The following CNNM3 variants were observed in gnomAD, a reference collection of about 807,000 sequenced individuals.
The protein encoded by CNNM3 is metal transporter CNNM3.
CNNM3 carries 47 observed loss-of-function variants against 57.1 expected under a neutral mutation model. The observed-to-expected ratio is 0.82, with a 90% CI of 0.65 to 1.05. The LOEUF (loss-of-function observed/expected upper bound fraction) is 1.05, where lower values mean the gene tolerates loss of function less well. Ranked by LOEUF, CNNM3 falls within the 50% of genes least tolerant of loss-of-function variation. The pLI is 0.00. For synonymous variants in CNNM3, 507 were observed against 478.2 expected (o/e 1.06, Z -0.79); for missense variants, 957 against 973.7 (o/e 0.98, Z 0.23).
In CNNM3 at chr2:96,832,908, C is replaced by T. The variant is rs780006566; in HGVS notation, c.*292C>T. On this transcript the variant is annotated 3_prime_UTR_variant, in exon 8 of 8. Transcript: ENST00000305510. ...TCTCTAGTTCCCAGGGCCCAGCCTT[C>T]CCCTTCTCCCCCGGGGCAGGGACAG... is the stretch of plus-strand genomic sequence containing the variant. 2.8e-6 allele frequency: 4 copies of T among 1,450,012 alleles called. No individual in the cohort carries two copies. Among genetic ancestry groups the T allele is most frequent in the South Asian group, 1.2e-5 (1 of 82,416 alleles). The allele number at this position is 1,450,012 out of a possible 1,614,324, so 89.8% of individuals were successfully genotyped here.
Position 96,834,301 on chromosome 2 carries a change from C to T in CNNM3, c.*1685C>T, listed in dbSNP as rs535204382. The stretch of plus-strand genomic sequence containing the variant: ...CCAGAGCTTGTGATTTAATCAGAGT[C>T]GGCATCAGAGTTTTCAATTTTTTAT... On this transcript the variant is annotated 3_prime_UTR_variant, in exon 8 of 8. Coordinates refer to ENST00000305510, the MANE Select transcript of CNNM3 (RefSeq NM_017623.5). Among the ~76,000 whole-genome samples, 20 of 151,674 alleles carry T rather than the reference C, an allele frequency of 1.3e-4. No homozygotes were observed. The highest frequency in any genetic ancestry group is 1.0e-3 in the South Asian group (5 of 4,820).
At chr2:96,827,699 T>A (rs2079532389) in intron 3 of CNNM3, 32 bp from the exon 4 acceptor site, 2 of 1,599,028 alleles carry the variant, frequency 1.3e-6, no homozygotes, top group Non-Finnish European at 1.7e-6. Flanking sequence ...TAGGCCCCAG[T>A]GGACACTGTC....
intron 7 of CNNM3, chr2:96,831,847 G>A (rs2079608678): frequency 5.6e-6 from 2 of 357,890 alleles, no homozygotes; most frequent in Non-Finnish European, 7.8e-6. Context: ...GCAGCTGCCA[G>A]CTCTCCCTCA....
chr2:96,821,189 C>A (rs147657479), intron 1 of CNNM3, among the ~76,000 whole-genome samples: 1 of 152,122 alleles, frequency 6.6e-6, no homozygotes, highest in Non-Finnish European at 1.5e-5. Context: ...GGTGACATCC[C>A]GGAGCTTTTT....
intron 7 of CNNM3, chr2:96,832,114 C>T (rs2079613344): frequency 1.0e-6 from 1 of 996,638 alleles, no homozygotes; most frequent in African/African-American, 1.7e-5. Context: ...CTTTCCTGGC[C>T]CTTCAGCTGA....
chr2:96,818,549 C>G (rs1273646033), intron 1 of CNNM3, among the ~76,000 whole-genome samples: 1 of 152,198 alleles, frequency 6.6e-6, no homozygotes, highest in Non-Finnish European at 1.5e-5. Flanking sequence ...CCGCGCCCAG[C>G]CTCACCTCTT....
rs1051375019 is a variant in CNNM3, at chr2:96,827,791, A to G, written c.1580A>G (p.His527Arg). 1 of 1,614,204 alleles carries G rather than the reference A, an allele frequency of 6.2e-7. No individual in the cohort carries two copies. Among genetic ancestry groups the G allele is most frequent in the Non-Finnish European group, 8.5e-7 (1 of 1,180,028 alleles). The change falls in exon 4 of 8, where the codon CAT (histidine) becomes CGT (arginine). Residue 527 changes from histidine to arginine, a missense_variant. Coordinates refer to ENST00000305510, the MANE Select transcript of CNNM3 (RefSeq NM_017623.5). ...AAGGTCCTGCTGCACCTGTTGAAGC[A>G]TCCCAGTGTCAACCAGGAAGTGAGG... ...SEKVLLHLLK[H>R]PSVNQEVRFD...
chr2:96,832,996 TTGTG>T lies in CNNM3; in HGVS notation c.*383_*386del, dbSNP rs2079630914. 1 of 1,332,338 alleles carries T rather than the reference TTGTG, an allele frequency of 7.5e-7. No individual in the cohort carries two copies. The highest frequency in any genetic ancestry group is 1.5e-5 in the African/African-American group (1 of 67,624). 82.5% of individuals were successfully genotyped at this position (1,332,338 alleles called of 1,614,324 possible). ...CACCTTGTGAGTGCAGTTACTGCCTTTGTGTGGCCGTGACCTCTATTTGTTTGCT... is the reference window on the plus strand; with the variant it reads ...CACCTTGTGAGTGCAGTTACTGCCTTTGGCCGTGACCTCTATTTGTTTGCT... On this transcript the variant is annotated 3_prime_UTR_variant, in exon 8 of 8. Transcript: ENST00000305510.
At chr2:96,820,954 G>A (rs935398760) in intron 1 of CNNM3, among the ~76,000 whole-genome samples, 2 of 152,214 alleles carry the variant, frequency 1.3e-5, no homozygotes, top group Non-Finnish European at 2.9e-5. Flanking sequence ...CCTCCAGGCA[G>A]GTCACAAGCA....
Position 96,832,798 on chromosome 2 carries a change from G to C in CNNM3, c.*182G>C. 1 of 1,499,644 alleles carries C rather than the reference G, an allele frequency of 6.7e-7. No homozygotes were observed. The highest frequency in any genetic ancestry group is 2.5e-5 in the East Asian group (1 of 40,036). 92.9% of individuals were successfully genotyped at this position (1,499,644 alleles called of 1,614,324 possible). A position where few individuals can be genotyped will look rare whatever the true frequency, so the allele number is the denominator to read the frequency against. On this transcript the variant is annotated 3_prime_UTR_variant, in exon 8 of 8. Coordinates refer to ENST00000305510, the MANE Select transcript of CNNM3 (RefSeq NM_017623.5). ...ACATCAATGCCTGGATCCTTCAGCCGGCCCTGCCCTCCTTTAGGAGACAGG... is the reference window on the plus strand; with the variant it reads ...ACATCAATGCCTGGATCCTTCAGCCCGCCCTGCCCTCCTTTAGGAGACAGG...
At chr2:96,824,836 T>C (rs571017132) in intron 1 of CNNM3, 3 of 572,814 alleles carry the variant, frequency 5.2e-6, no homozygotes, top group East Asian at 3.0e-5. Context: ...CAGATGGGCA[T>C]GAGCCCACTG....
rs762518584 is a variant in CNNM3 at position 96,816,293 on chromosome 2, G to C, written c.16G>C (p.Ala6Pro). 3.1e-6 allele frequency: 4 copies of C among 1,292,352 alleles called. No individual in the cohort carries two copies. The highest frequency in any genetic ancestry group is 3.9e-6 in the Non-Finnish European group (4 of 1,021,782). 80.1% of individuals were successfully genotyped at this position (1,292,352 alleles called of 1,614,324 possible). Residue 6 changes from alanine to proline, a missense_variant, in exon 1 of 8, where the codon GCT becomes CCT. Ala to Pro is a conservative substitution (Grantham distance 27). Coordinates refer to ENST00000305510, the MANE Select transcript of CNNM3 (RefSeq NM_017623.5). Reference protein sequence around the residue: MAAAVAAAGRLGWLFA... With the variant: MAAAVPAAGRLGWLFA... Reference sequence around the variant, plus strand: ...GCAGCAGGCGATGGCGGCGGCGGTAGCTGCGGCGGGTCGGTTAGGCTGGTT... The same window carrying C: ...GCAGCAGGCGATGGCGGCGGCGGTACCTGCGGCGGGTCGGTTAGGCTGGTT...
chr2:96,832,155 T>C (rs2079614191), intron 7 of CNNM3: 2 of 1,012,436 alleles, frequency 2.0e-6, no homozygotes, highest in Non-Finnish European at 2.4e-6. Context: ...CTCCCCAGGC[T>C]GGGGGGCATT....
Position 96,827,776 on chromosome 2 carries a change from T to G in CNNM3, c.1565T>G (p.Leu522Arg), listed in dbSNP as rs780960640. 1 of 1,614,242 alleles carries G rather than the reference T, an allele frequency of 6.2e-7. No homozygotes were observed. Among genetic ancestry groups the G allele is most frequent in the South Asian group, 1.1e-5 (1 of 91,090 alleles). The change falls in exon 4 of 8, where the codon CTG (leucine) becomes CGG (arginine). Residue 522 changes from leucine to arginine, a missense_variant. Around this residue, in one of 2 missense-constraint regions of CNNM3, gnomAD observed 491 missense variants for 570.6 expected, o/e 0.86. Coordinates refer to ENST00000305510, the MANE Select transcript of CNNM3 (RefSeq NM_017623.5). The part of the protein sequence containing the change: ...SPLRISEKVL[L>R]HLLKHPSVNQ... ...CTGCGCATCTCTGAGAAGGTCCTGC[T>G]GCACCTGTTGAAGCATCCCAGTGTC... is the stretch of plus-strand genomic sequence containing the variant.
intron 1 of CNNM3, among the ~76,000 whole-genome samples, chr2:96,819,111 A>G (rs894262974): frequency 2.0e-5 from 3 of 152,108 alleles, no homozygotes; most frequent in Non-Finnish European, 4.4e-5. Flanking sequence ...GGGCAGCTCT[A>G]TTCTTTTAGA....
In CNNM3 at chr2:96,833,867, C is replaced by G. The variant is rs1457598759; in HGVS notation, c.*1251C>G. 1 of 152,210 alleles carries G rather than the reference C, an allele frequency of 6.6e-6. No individual in the cohort carries two copies. The highest frequency in any genetic ancestry group is 1.5e-5 in the Non-Finnish European group (1 of 68,054). 9.4% of individuals were successfully genotyped at this position (152,210 alleles called of 1,614,324 possible). A position where few individuals can be genotyped will look rare whatever the true frequency, so the allele number is the denominator to read the frequency against. On this transcript the variant is annotated 3_prime_UTR_variant, in exon 8 of 8. Transcript: ENST00000305510. The stretch of plus-strand genomic sequence containing the variant: ...GTCCTCAAGGAATAAACTCTGAGAG[C>G]AAGCCCGGGTTGGAAACAGATGCTT...
intron 7 of CNNM3, among the ~76,000 whole-genome samples, chr2:96,830,524 A>C (rs1053367467): frequency 2.0e-5 from 3 of 152,222 alleles, no homozygotes; most frequent in Non-Finnish European, 4.4e-5. Flanking sequence ...TTGTGAGGTC[A>C]CATGCAGGTG....
Position 96,817,481 on chromosome 2 carries a change from G to A in CNNM3, c.1204G>A (p.Val402Ile). ...FVFNDTKLDA[V>I]LEEFKRGKSH... Reference sequence around the variant, plus strand: ...CTTCAACGACACCAAGCTGGACGCTGTCCTGGAGGAATTCAAGCGAGGTAA... The same window carrying A: ...CTTCAACGACACCAAGCTGGACGCTATCCTGGAGGAATTCAAGCGAGGTAA... The change falls in exon 1 of 8, where the codon GTC becomes ATC. Residue 402 changes from valine (V) to isoleucine (I), a missense_variant. Around this residue, in one of 2 missense-constraint regions of CNNM3, gnomAD observed 491 missense variants for 570.6 expected, o/e 0.86. Coordinates refer to ENST00000305510, the MANE Select transcript of CNNM3 (RefSeq NM_017623.5). The A allele has an allele frequency of 6.2e-7, 1 of 1,612,190 alleles. No homozygotes were observed. Among genetic ancestry groups the A allele is most frequent in the Non-Finnish European group, 8.5e-7 (1 of 1,178,506 alleles).
rs1435458038 is a variant in CNNM3 at position 96,833,191 on chromosome 2, C to G, written c.*575C>G. On this transcript the variant is annotated 3_prime_UTR_variant, in exon 8 of 8. Transcript: ENST00000305510. ...GCCCCAGCCTTTCCCATGTGCCAAACCAGAAGCTCCACTGCCCGTAGGCTG... is the reference window on the plus strand; with the variant it reads ...GCCCCAGCCTTTCCCATGTGCCAAAGCAGAAGCTCCACTGCCCGTAGGCTG... The G allele has an allele frequency of 7.5e-6, 3 of 400,138 alleles. No homozygotes were observed. 24.8% of individuals were successfully genotyped at this position (400,138 alleles called of 1,614,324 possible).
Sources: allele counts gnomAD v4.1 joint callset (sites outside exome capture counted in the v4.1 genomes callset), GRCh38; gene constraint gnomAD v4.1.1; regional missense constraint gnomAD v4.1.1; transcripts MANE v1.5; gene names NCBI Gene and HGNC (gene_info 2026-07-23, HGNC 2026-07-21).